The following ZSWIM5 variants were observed in gnomAD, a reference collection of about 807,000 sequenced individuals.
ZSWIM5 encodes the protein zinc finger SWIM domain-containing protein 5.
In ZSWIM5, 55 loss-of-function variants were observed where a neutral mutation model predicts 119.6. The ratio of observed to expected loss-of-function variants is 0.46; its 90% CI spans 0.37 to 0.58. ZSWIM5 has a LOEUF of 0.58. ZSWIM5 is among the 20% of genes least tolerant of loss of function. The probability of loss-of-function intolerance (pLI) is 0.00; values close to 1 mark genes in which losing one functional copy is unlikely to be tolerated. For synonymous variants in ZSWIM5, 537 were observed against 606.9 expected, an observed-to-expected ratio of 0.88 and a Z score of 1.69; for missense variants, 1,193 against 1,512.8, an observed-to-expected ratio of 0.79 and a Z score of 3.51.
intron 2 of ZSWIM5, among the ~76,000 whole-genome samples, chr1:45,062,444 C>T (rs144958198): frequency 0.01 from 1,563 of 152,216 alleles, 80 homozygotes; most frequent in Admixed American, 0.09. Context: ...ATATGATCTG[C>T]CACTTTATTG....
chr1:45,095,623 T>G (rs1458703427), intron 1 of ZSWIM5, among the ~76,000 whole-genome samples: 1 of 152,208 alleles, frequency 6.6e-6, no homozygotes, highest in Non-Finnish European at 1.5e-5. Context: ...CAGGCTGTGT[T>G]GCATACTTTC....
chr1:45,073,919 T>A (rs1645240414), intron 2 of ZSWIM5, among the ~76,000 whole-genome samples: 1 of 151,990 alleles, frequency 6.6e-6, no homozygotes, highest in Non-Finnish European at 1.5e-5. Flanking sequence ...CTGTACCCAT[T>A]TTTAAAGCAT....
intron 7 of ZSWIM5, among the ~76,000 whole-genome samples, 195 bp from the exon 8 acceptor site, chr1:45,039,268 G>A (rs1185977945): frequency 6.6e-6 from 1 of 152,144 alleles, no homozygotes; most frequent in Admixed American, 6.5e-5. Context: ...TCTGCATTTG[G>A]GTTGCCTGCT....
At position 45,199,229 on chromosome 1, in the gene ZSWIM5, A is replaced by G. The variant is rs1241199506; in HGVS notation, c.595+6527T>C. On this transcript the variant is annotated intron_variant, in intron 1 of 13. Coordinates refer to ENST00000359600, the MANE Select transcript of ZSWIM5 (RefSeq NM_020883.2). ...AGGACTAAAGTATACAAAGTATGCA[A>G]ACAACTGCTGTTAAGGCAAGAAAAC... Among the ~76,000 whole-genome samples the G allele has an allele frequency of 3.9e-5, 6 of 152,228 alleles. 1 individual carries two copies. In the South Asian group the frequency reaches 8.3e-4, roughly 21 times the overall value.
intron 1 of ZSWIM5, among the ~76,000 whole-genome samples, chr1:45,095,909 G>T (rs1187569456): frequency 1.3e-5 from 2 of 152,110 alleles, no homozygotes; most frequent in African/African-American, 4.8e-5. Context: ...ACATAAAGTG[G>T]TTAGGTCAGT....
intron 1 of ZSWIM5, among the ~76,000 whole-genome samples, chr1:45,104,376 G>A (rs918989473): frequency 6.6e-5 from 10 of 152,208 alleles, no homozygotes; most frequent in African/African-American, 2.4e-4. Context: ...GAATGCTTGA[G>A]TTGTAATTCT....
intron 2 of ZSWIM5, among the ~76,000 whole-genome samples, chr1:45,074,737 A>G (rs1036931096): frequency 5.3e-5 from 8 of 150,478 alleles, no homozygotes; most frequent in Admixed American, 5.3e-4. Flanking sequence ...GATCTTTATT[A>G]TTTATTTTCT....
intron 1 of ZSWIM5, among the ~76,000 whole-genome samples, chr1:45,203,480 C>G (rs571186078): frequency 1.5e-4 from 23 of 152,092 alleles, no homozygotes; most frequent in African/African-American, 5.5e-4. Flanking sequence ...CAGTAACTTC[C>G]CAAATCTGAG....
chr1:45,183,944 C>A (rs1052415345), intron 1 of ZSWIM5, among the ~76,000 whole-genome samples: 15 of 151,966 alleles, frequency 9.9e-5, no homozygotes, highest in East Asian at 3.9e-4. Flanking sequence ...GAGACACAAC[C>A]AAAAAAGAAA....
intron 1 of ZSWIM5, among the ~76,000 whole-genome samples, chr1:45,151,884 T>C (rs1029859211): frequency 3.3e-5 from 5 of 152,152 alleles, no homozygotes; most frequent in Non-Finnish European, 4.4e-5. Context: ...ATCACCACTA[T>C]TGAGATAATG....
At chr1:45,081,925 TGCC>T (rs1406940528) in intron 2 of ZSWIM5, among the ~76,000 whole-genome samples, 2 of 152,154 alleles carry the variant, frequency 1.3e-5, no homozygotes, top group East Asian at 3.9e-4. Context: ...ATCGGATGGT[TGCC>T]GTGTCTGTGT....
chr1:45,125,989 A>G (rs1471180836), intron 1 of ZSWIM5, among the ~76,000 whole-genome samples: 1 of 151,780 alleles, frequency 6.6e-6, no homozygotes, highest in Non-Finnish European at 1.5e-5. Flanking sequence ...GATTGCTTGA[A>G]CCCAGGAGCT....
Position 45,057,199 on chromosome 1 carries a change from C to T in ZSWIM5, c.1252+1410G>A, listed in dbSNP as rs915212537. Reference sequence around the variant, plus strand: ...CAAATTCTCAGGCTCCACTCCAAACCTACTAATTCAGAAACTCGGGATAGG... The same window carrying T: ...CAAATTCTCAGGCTCCACTCCAAACTTACTAATTCAGAAACTCGGGATAGG... On this transcript the variant is annotated intron_variant, in intron 4 of 13. Transcript: ENST00000359600. The surrounding 1 kb of genome is among the most constrained non-coding windows in gnomAD (Gnocchi z 4.7). Among the ~76,000 whole-genome samples, 11 of 152,226 alleles carry T rather than the reference C, an allele frequency of 7.2e-5. No individual in the cohort carries two copies. The highest frequency in any genetic ancestry group is 2.4e-4 in the African/African-American group (10 of 41,458).
At chr1:45,091,223 C>T (rs1645362183) in intron 1 of ZSWIM5, among the ~76,000 whole-genome samples, 1 of 152,180 alleles carries the variant, frequency 6.6e-6, no homozygotes, top group African/African-American at 2.4e-5. Context: ...TAAGAAAGTA[C>T]ATTCTTAATT....
chr1:45,181,726 T>G (rs1646021020), intron 1 of ZSWIM5, among the ~76,000 whole-genome samples: 2 of 152,256 alleles, frequency 1.3e-5, no homozygotes, highest in South Asian at 2.1e-4. Context: ...GACTAACAGC[T>G]GATTTCTCTG....
chr1:45,157,466 T>C (rs1322933656), intron 1 of ZSWIM5, among the ~76,000 whole-genome samples: 1 of 152,190 alleles, frequency 6.6e-6, no homozygotes, highest in Non-Finnish European at 1.5e-5. Context: ...TGAGCCACCA[T>C]GCCTGGCCAA....
intron 1 of ZSWIM5, among the ~76,000 whole-genome samples, chr1:45,160,985 C>A (rs2149041386): frequency 8.3e-6 from 1 of 121,074 alleles, no homozygotes; most frequent in African/African-American, 3.2e-5. Flanking sequence ...CCATGCCCGG[C>A]TAAATTTTTT....
intron 1 of ZSWIM5, among the ~76,000 whole-genome samples, chr1:45,139,280 A>C (rs1435174891): frequency 6.6e-6 from 1 of 151,994 alleles, no homozygotes; most frequent in Non-Finnish European, 1.5e-5. Flanking sequence ...CTCTGGGCTC[A>C]AGTGATCTTC....
At chr1:45,035,082 C>A (rs1195241157) in intron 10 of ZSWIM5, among the ~76,000 whole-genome samples, 1 of 152,176 alleles carries the variant, frequency 6.6e-6, no homozygotes, top group Non-Finnish European at 1.5e-5. Context: ...GCCACCGTAC[C>A]CAGCCTGGTT....
Sources: allele counts gnomAD v4.1 joint callset (sites outside exome capture counted in the v4.1 genomes callset), GRCh38; gene constraint gnomAD v4.1.1; non-coding constraint Gnocchi (gnomAD v3.1); transcripts MANE v1.5; gene names NCBI Gene and HGNC (gene_info 2026-07-23, HGNC 2026-07-21).